The following AP2A1 variants were observed in gnomAD, a reference collection of about 807,000 sequenced individuals.
The protein encoded by AP2A1 is AP-2 complex subunit alpha-1.
AP2A1 carries 21 observed loss-of-function variants against 107.3 expected under a neutral mutation model. The ratio of observed to expected loss-of-function variants is 0.20; its 90% confidence interval spans 0.14 to 0.28. AP2A1 has a LOEUF of 0.28. Ranked by LOEUF, AP2A1 falls within the 10% of genes least tolerant of loss-of-function variation. AP2A1 has a pLI of 1.00. For missense variants in AP2A1, 873 were observed against 1,307.7 expected, an observed-to-expected ratio of 0.67 and a Z score of 5.13; for synonymous variants, 602 against 564.8, an observed-to-expected ratio of 1.07 and a Z score of -0.93.
chr19:49,774,908 G>T (rs1472264938), intron 1 of AP2A1, among the ~76,000 whole-genome samples: 1 of 123,138 alleles, frequency 8.1e-6, no homozygotes, highest in Non-Finnish European at 1.6e-5. Context: ...GACAGAGAGA[G>T]ACTTTGTCTC....
At chr19:49,806,640 C>T in intron 22 of AP2A1, 41 bp from the exon 23 acceptor site, 1 of 1,611,254 alleles carries the variant, frequency 6.2e-7, no homozygotes, top group South Asian at 1.1e-5. Flanking sequence ...TCCCTGGGCT[C>T]CCCATCTCCT....
At chr19:49,770,840 A>G (rs982305264) in intron 1 of AP2A1, among the ~76,000 whole-genome samples, 2 of 152,058 alleles carry the variant, frequency 1.3e-5, no homozygotes, top group East Asian at 1.9e-4. Context: ...GTGACTGCTC[A>G]TGAATGCATA....
At chr19:49,772,998 G>C (rs968115437) in intron 1 of AP2A1, among the ~76,000 whole-genome samples, 3 of 151,966 alleles carry the variant, frequency 2.0e-5, no homozygotes, top group African/African-American at 7.2e-5. Flanking sequence ...ATGCGGAGGA[G>C]GAGGTGGGGA....
rs1416365802 is a variant in AP2A1, at chr19:49,788,868, C to T, written c.474-3067C>T. Among the ~76,000 whole-genome samples, 3 of 152,192 alleles carry T rather than the reference C, an allele frequency of 2.0e-5. No homozygotes were observed. The highest frequency in any genetic ancestry group is 4.4e-5 in the Non-Finnish European group (3 of 68,032). On this transcript the variant is annotated intron_variant, in intron 4 of 22. Coordinates refer to ENST00000354293, the MANE Select transcript of AP2A1 (RefSeq NM_130787.3). The surrounding 1 kb of genome is among the most constrained non-coding windows in gnomAD (Gnocchi z 4.5). ...GATGACCACTGGGCAGTGAACGTTT[C>T]TGTAGGGTGAGCGTCTGGGGGCAGC...
chr19:49,801,681 C>T, intron 13 of AP2A1, 41 bp from the exon 14 acceptor site: 3 of 1,532,910 alleles, frequency 2.0e-6, no homozygotes, highest in East Asian at 2.5e-5. Context: ...CCCTCCCCTC[C>T]TCCTGACCCG....
At chr19:49,767,268 G>T (rs1056938926) in intron 1 of AP2A1, 68 bp downstream of exon 1, 1 of 1,563,476 alleles carries the variant, frequency 6.4e-7, no homozygotes, top group Non-Finnish European at 8.7e-7. Flanking sequence ...GGGGTTTGGG[G>T]ATCACAGAGG....
rs758774782 is a variant in AP2A1, at chr19:49,806,871, G to C, written c.*113G>C. 6.4e-7 allele frequency: 1 copy of C among 1,567,320 alleles called. No individual in the cohort carries two copies. The highest frequency in any genetic ancestry group is 8.6e-7 in the Non-Finnish European group (1 of 1,160,670). On this transcript the variant is annotated 3_prime_UTR_variant, in exon 23 of 23. Coordinates refer to ENST00000354293, the MANE Select transcript of AP2A1 (RefSeq NM_130787.3). Reference sequence around the variant, plus strand: ...TGACAGAGAAGACACCAGGGTTTGGGGGATGCCTGGGACTTTCCTCCGGCC... The same window carrying C: ...TGACAGAGAAGACACCAGGGTTTGGCGGATGCCTGGGACTTTCCTCCGGCC...
Position 49,806,788 on chromosome 19 carries a change from C to A in AP2A1, c.*30C>A. 1 of 1,613,088 alleles carries A rather than the reference C, an allele frequency of 6.2e-7. No homozygotes were observed. Among genetic ancestry groups the A allele is most frequent in the Non-Finnish European group, 8.5e-7 (1 of 1,179,776 alleles). The stretch of plus-strand genomic sequence containing the variant: ...TGGACTCTGCCCCGGGGGATGTGGC[C>A]GGCACTGGGCAGCCCCTTGGACTGA... On this transcript the variant is annotated 3_prime_UTR_variant, in exon 23 of 23. Coordinates refer to ENST00000354293, the MANE Select transcript of AP2A1 (RefSeq NM_130787.3).
chr19:49,775,683 G>A (rs1165374497), intron 1 of AP2A1, among the ~76,000 whole-genome samples: 1 of 152,144 alleles, frequency 6.6e-6, no homozygotes, highest in Non-Finnish European at 1.5e-5. Context: ...GATTAGAGGC[G>A]GGAGGCATTG....
intron 3 of AP2A1, among the ~76,000 whole-genome samples, chr19:49,782,313 T>C (rs1750238370): frequency 6.7e-6 from 1 of 148,750 alleles, no homozygotes; most frequent in South Asian, 2.1e-4. Flanking sequence ...AAGCCCAGAC[T>C]CCTGGGTCTG....
At chr19:49,782,995 A>C (rs2084695908) in intron 4 of AP2A1, among the ~76,000 whole-genome samples, 1 of 152,228 alleles carries the variant, frequency 6.6e-6, no homozygotes, top group Non-Finnish European at 1.5e-5. Flanking sequence ...TAAGAGGCGT[A>C]ACTGTGCTAT....
At chr19:49,776,699 T>C (rs1008215284) in intron 1 of AP2A1, among the ~76,000 whole-genome samples, 2 of 152,084 alleles carry the variant, frequency 1.3e-5, no homozygotes, top group African/African-American at 4.8e-5. Flanking sequence ...GCCTCAGCCC[T>C]TTCCCCAGGC....
At chr19:49,795,191 GC>G (rs2073196984) in intron 6 of AP2A1, among the ~76,000 whole-genome samples, 1 of 152,190 alleles carries the variant, frequency 6.6e-6, no homozygotes, top group Non-Finnish European at 1.5e-5. Context: ...TGAGGAGGGG[GC>G]CCTGGGAAAC....
intron 4 of AP2A1, 133 bp from the exon 5 acceptor site, chr19:49,791,802 C>T (rs2073145378): frequency 1.4e-5 from 17 of 1,204,444 alleles, no homozygotes; most frequent in Non-Finnish European, 2.0e-5. Context: ...AGACTGGATC[C>T]TGCGGCCGCC....
chr19:49,778,792 TTAAG>T (rs983250897), intron 1 of AP2A1, among the ~76,000 whole-genome samples: 4 of 152,070 alleles, frequency 2.6e-5, no homozygotes, highest in Non-Finnish European at 5.9e-5. Flanking sequence ...ATTATTTAAA[TTAAG>T]TAATACATAT....
chr19:49,794,146 C>T (rs547759645), intron 6 of AP2A1, among the ~76,000 whole-genome samples: 182 of 151,710 alleles, frequency 1.2e-3, no homozygotes, highest in African/African-American at 4.2e-3. Flanking sequence ...GTGATCCACC[C>T]GCCTCGGCCT....
chr19:49,776,404 C>G (rs11881269), intron 1 of AP2A1, among the ~76,000 whole-genome samples: 5,842 of 152,140 alleles, frequency 0.038, 160 homozygotes, highest in African/African-American at 0.076. Context: ...TTCCCCGTCC[C>G]CTGCGCCATT....
chr19:49,795,851 G>C (rs1362863606), intron 7 of AP2A1, 113 bp downstream of exon 7: 1 of 856,646 alleles, frequency 1.2e-6, no homozygotes, highest in South Asian at 1.5e-5. Flanking sequence ...GGATTTCTCT[G>C]AAGCTGGGGC....
Position 49,805,664 on chromosome 19 carries a change from C to T in AP2A1, c.2472C>T (p.Tyr824=), listed in dbSNP as rs2073363314. ...AGCCTCCCTTTCACCTCATCAGGTACGGTGGCGCCCCCCAGGCCCTCACCC... is the reference window on the plus strand; with the variant it reads ...AGCCTCCCTTTCACCTCATCAGGTATGGTGGCGCCCCCCAGGCCCTCACCC... ...TPPLLSVRFR[Y]GGAPQALTLK... is the part of the protein sequence containing the mutation. Residue 824 remains tyrosine, a synonymous_variant, in exon 20 of 23, where the codon TAC becomes TAT. Transcript: ENST00000354293. 7.0e-6 allele frequency: 11 copies of T among 1,560,432 alleles called. No individual in the cohort carries two copies. The highest frequency in any genetic ancestry group is 9.5e-6 in the Non-Finnish European group (11 of 1,153,106).
Sources: allele counts gnomAD v4.1 joint callset (sites outside exome capture counted in the v4.1 genomes callset), GRCh38; gene constraint gnomAD v4.1.1; non-coding constraint Gnocchi (gnomAD v3.1); transcripts MANE v1.5; gene names NCBI Gene and HGNC (gene_info 2026-07-23, HGNC 2026-07-21).